OPCML: variants seen among roughly 807,000 people sequenced by gnomAD.
The protein encoded by OPCML is opioid-binding protein/cell adhesion molecule.
OPCML carries 13 observed loss-of-function variants against 37.8 expected under a neutral mutation model. The observed-to-expected ratio is 0.34, with a 90% CI of 0.22 to 0.55. The LOEUF (loss-of-function observed/expected upper bound fraction) is 0.55, where lower values mean the gene tolerates loss of function less well. Among genes scored for constraint, OPCML ranks in the 20% least tolerant of loss-of-function variants. The pLI is 0.91. For synonymous variants in OPCML, 176 were observed against 168.8 expected, an observed-to-expected ratio of 1.04 and a Z score of -0.33; for missense variants, 341 against 435.6, an observed-to-expected ratio of 0.78 and a Z score of 1.93.
chr11:132,834,988 TAAAA>T (rs11300115), intron 2 of OPCML, among the ~76,000 whole-genome samples: 5 of 142,962 alleles, frequency 3.5e-5, no homozygotes, highest in Admixed American at 7.0e-5. Flanking sequence ...TGGCACTTTG[TAAAA>T]AAAAAAAAAA....
intron 2 of OPCML, among the ~76,000 whole-genome samples, chr11:132,836,427 C>G (rs934324766): frequency 2.0e-5 from 3 of 152,154 alleles, no homozygotes; most frequent in African/African-American, 7.2e-5. Context: ...AATAACATAA[C>G]TGTCTTAAGG....
chr11:132,996,043 A>G (rs1056794726), intron 1 of OPCML, among the ~76,000 whole-genome samples: 3 of 152,152 alleles, frequency 2.0e-5, no homozygotes, highest in Non-Finnish European at 2.9e-5. Context: ...CCTGCCATCC[A>G]TGGGTCTTGC....
At chr11:133,188,849 C>A (rs1009432076) in intron 1 of OPCML, among the ~76,000 whole-genome samples, 2 of 152,054 alleles carry the variant, frequency 1.3e-5, no homozygotes, top group East Asian at 1.9e-4. Context: ...CTCTCTGCAC[C>A]CCACACTTCT....
chr11:133,236,528 A>C (rs1441133076), intron 1 of OPCML, among the ~76,000 whole-genome samples: 3 of 152,210 alleles, frequency 2.0e-5, no homozygotes, highest in Non-Finnish European at 4.4e-5. Context: ...CTCCCCGTCT[A>C]ATTAGGAATA....
intron 1 of OPCML, among the ~76,000 whole-genome samples, chr11:133,252,060 A>G (rs549461934): frequency 3.3e-5 from 5 of 152,302 alleles, no homozygotes; most frequent in African/African-American, 7.2e-5. Context: ...ATATTTCCAG[A>G]GGGATACCAA....
intron 1 of OPCML, among the ~76,000 whole-genome samples, chr11:133,464,064 C>CA (rs11436605): frequency 0.13 from 20,076 of 152,042 alleles, 3,154 homozygotes; most frequent in African/African-American, 0.37. Context: ...GAATATAGAT[C>CA]CCAACAGATA....
chr11:133,456,529 G>C (rs927423219), intron 1 of OPCML, among the ~76,000 whole-genome samples: 2 of 151,786 alleles, frequency 1.3e-5, no homozygotes, highest in African/African-American at 4.8e-5. Flanking sequence ...TAATTTCCTG[G>C]CCCAATAAAA....
At chr11:132,497,775 A>C (rs2096236086) in intron 4 of OPCML, among the ~76,000 whole-genome samples, 2 of 152,200 alleles carry the variant, frequency 1.3e-5, no homozygotes, top group South Asian at 4.1e-4. Context: ...GTTTCAGACC[A>C]TTGTTAGACC....
chr11:133,512,348 A>G (rs73025687), intron 1 of OPCML, among the ~76,000 whole-genome samples: 5,499 of 152,318 alleles, frequency 0.036, 107 homozygotes, highest in South Asian at 0.094. Flanking sequence ...AACACGTTAC[A>G]AAGGCTACAG....
intron 2 of OPCML, among the ~76,000 whole-genome samples, chr11:132,664,786 G>A (rs1282140934): frequency 6.6e-6 from 1 of 152,168 alleles, no homozygotes; most frequent in Non-Finnish European, 1.5e-5. Flanking sequence ...TTATGTAAGG[G>A]AAAACTTTAT....
At chr11:132,566,923 G>A (rs1460197641) in intron 3 of OPCML, among the ~76,000 whole-genome samples, 4 of 148,986 alleles carry the variant, frequency 2.7e-5, no homozygotes, top group Non-Finnish European at 1.5e-5. Flanking sequence ...CAGAACCCAA[G>A]GAGAAAGAGA....
At chr11:132,920,672 T>C (rs779773981) in intron 2 of OPCML, among the ~76,000 whole-genome samples, 1 of 152,202 alleles carries the variant, frequency 6.6e-6, no homozygotes, top group Non-Finnish European at 1.5e-5. Flanking sequence ...CCTATTTCTT[T>C]TTATGCTACT....
At chr11:133,426,069 A>G (rs1592285794) in intron 1 of OPCML, among the ~76,000 whole-genome samples, 1 of 152,140 alleles carries the variant, frequency 6.6e-6, no homozygotes, top group Non-Finnish European at 1.5e-5. Context: ...TTGTACTTAT[A>G]TACAAATCCA....
intron 3 of OPCML, among the ~76,000 whole-genome samples, chr11:132,573,310 C>T (rs1272903148): frequency 6.6e-6 from 1 of 151,884 alleles, no homozygotes; most frequent in Non-Finnish European, 1.5e-5. Context: ...AATAGCTATG[C>T]CTGACTTGTT....
At chr11:132,527,439 C>A (rs1033482292) in intron 4 of OPCML, among the ~76,000 whole-genome samples, 1 of 152,194 alleles carries the variant, frequency 6.6e-6, no homozygotes, top group Admixed American at 6.6e-5. Context: ...GATTATATAA[C>A]GGTATCTCAT....
intron 1 of OPCML, among the ~76,000 whole-genome samples, chr11:133,241,446 C>T (rs1940727101): frequency 6.6e-6 from 1 of 152,198 alleles, no homozygotes; most frequent in African/African-American, 2.4e-5. Context: ...CCATTGTGCA[C>T]CTAAATGGTA....
chr11:132,779,325 T>C (rs1347760590), intron 2 of OPCML, among the ~76,000 whole-genome samples: 3 of 152,156 alleles, frequency 2.0e-5, no homozygotes, highest in African/African-American at 7.2e-5. Flanking sequence ...CAGTAAAGGA[T>C]CTGAAGACAG....
At chr11:132,528,961 G>A in intron 4 of OPCML, 100 bp downstream of exon 4, 1 of 659,014 alleles carries the variant, frequency 1.5e-6, no homozygotes. Flanking sequence ...TTCTATGACT[G>A]GATTACAAAA....
At chr11:132,493,527 C>T (rs150610353) in intron 4 of OPCML, among the ~76,000 whole-genome samples, 5 of 152,290 alleles carry the variant, frequency 3.3e-5, no homozygotes, top group South Asian at 2.1e-4. Flanking sequence ...TCTCTGTCCA[C>T]GTCCCTTTAT....
Sources: gnomAD v4.1 joint callset for allele counts (sites outside exome capture counted in the v4.1 genomes callset) on GRCh38, gnomAD v4.1.1 for gene constraint, MANE v1.5 for transcripts, NCBI Gene and HGNC (gene_info 2026-07-23, HGNC 2026-07-21) for gene names.